Variants in NLGN1 observed in about 807,000 individuals in gnomAD.
The protein encoded by NLGN1 is neuroligin-1.
NLGN1 carries 12 observed loss-of-function variants against 65.5 expected under a neutral mutation model. The ratio of observed to expected loss-of-function variants is 0.18; its 90% CI spans 0.12 to 0.30. NLGN1 has a LOEUF of 0.30. Among genes scored for constraint, NLGN1 ranks in the 10% least tolerant of loss-of-function variants. The pLI, the probability that NLGN1 is intolerant of heterozygous loss-of-function variation, is 1.00. For missense variants in NLGN1, 750 were observed against 1,007.1 expected, an observed-to-expected ratio of 0.74 and a Z score of 3.46; for synonymous variants, 350 against 359.5, an observed-to-expected ratio of 0.97 and a Z score of 0.30.
chr3:173,901,873 T>A (rs1737446990), intron 4 of NLGN1, among the ~76,000 whole-genome samples: 1 of 152,120 alleles, frequency 6.6e-6, no homozygotes, highest in Non-Finnish European at 1.5e-5. Flanking sequence ...CAGAGCCATT[T>A]GTCTCACAAC....
At chr3:173,548,269 G>C (rs1740236584) in intron 2 of NLGN1, among the ~76,000 whole-genome samples, 1 of 151,880 alleles carries the variant, frequency 6.6e-6, no homozygotes, top group South Asian at 2.1e-4. Flanking sequence ...ATTAATTTCT[G>C]GTCAATATAT....
At chr3:174,142,780 A>G (rs1394238231) in intron 4 of NLGN1, among the ~76,000 whole-genome samples, 2 of 152,246 alleles carry the variant, frequency 1.3e-5, no homozygotes, top group Non-Finnish European at 2.9e-5. Context: ...TATTGGTACA[A>G]AGACATATGC....
At chr3:173,906,582 G>T (rs1473083564) in intron 4 of NLGN1, among the ~76,000 whole-genome samples, 1 of 151,922 alleles carries the variant, frequency 6.6e-6, no homozygotes, top group Non-Finnish European at 1.5e-5. Flanking sequence ...TATATTTTTC[G>T]CCTTTCCCAC....
At chr3:173,605,243 G>GT (rs1412117415) in intron 3 of NLGN1, 152 bp downstream of exon 2, 6 of 658,844 alleles carry the variant, frequency 9.1e-6, no homozygotes, top group Admixed American at 3.2e-5. Context: ...TGCTCTTTTT[G>GT]TTTATGTGTG....
exon 7 of NLGN1, chr3:174,281,012 A>G (rs1007784401): frequency 1.9e-5 from 30 of 1,613,262 alleles, no homozygotes; most frequent in Non-Finnish European, 2.5e-5. Flanking sequence ...ATGCACAAGA[A>G]GAGGAAATCA....
chr3:174,161,221 T>C (rs1028672576), intron 4 of NLGN1, among the ~76,000 whole-genome samples: 2 of 151,680 alleles, frequency 1.3e-5, no homozygotes, highest in African/African-American at 2.4e-5. Context: ...TTTAGCCTAA[T>C]GGATCATAGC....
intron 3 of NLGN1, among the ~76,000 whole-genome samples, chr3:173,748,875 T>C (rs1226803120): frequency 2.6e-5 from 4 of 152,082 alleles, no homozygotes; most frequent in African/African-American, 9.7e-5. Flanking sequence ...GTGAAACTGA[T>C]TGAAATAATA....
chr3:173,505,854 G>A (rs1233251761), intron 2 of NLGN1, among the ~76,000 whole-genome samples: 1 of 151,938 alleles, frequency 6.6e-6, no homozygotes, highest in African/African-American at 2.4e-5. Flanking sequence ...GGCTTTATGG[G>A]ATAAAGAACT....
At chr3:173,606,057 T>C (rs571382909) in intron 3 of NLGN1, among the ~76,000 whole-genome samples, 1 of 152,194 alleles carries the variant, frequency 6.6e-6, no homozygotes, top group African/African-American at 2.4e-5. Flanking sequence ...GACTTTCTCA[T>C]CCTAAGGATA....
upstream of NLGN1, chr3:173,397,806 G>A (rs1454438524): frequency 6.6e-6 from 1 of 152,144 alleles, no homozygotes; most frequent in Non-Finnish European, 1.5e-5. Context: ...GGCCAGCGCC[G>A]AGCGCGCGGA....
intron 1 of NLGN1, among the ~76,000 whole-genome samples, chr3:173,425,437 A>G (rs1434139030): frequency 1.3e-5 from 2 of 152,038 alleles, no homozygotes; most frequent in Non-Finnish European, 2.9e-5. Context: ...ATGTCCTAAA[A>G]TGTTTTCCCA....
intron 4 of NLGN1, among the ~76,000 whole-genome samples, chr3:173,934,510 G>A (rs1191385191): frequency 1.3e-5 from 2 of 151,762 alleles, no homozygotes; most frequent in Non-Finnish European, 2.9e-5. Context: ...AACTCAAATG[G>A]TGACTTTTTA....
chr3:173,560,133 C>T (rs1422351774), intron 2 of NLGN1, among the ~76,000 whole-genome samples: 12 of 151,824 alleles, frequency 7.9e-5, no homozygotes, highest in Admixed American at 6.6e-4. Context: ...TTAGTAGAGA[C>T]GGGGTTTCAC....
At chr3:174,197,050 A>T (rs1241640422) in intron 4 of NLGN1, among the ~76,000 whole-genome samples, 1 of 150,556 alleles carries the variant, frequency 6.6e-6, no homozygotes, top group Non-Finnish European at 1.5e-5. Context: ...TGTTGCTGGG[A>T]TGCATGGATG....
At chr3:173,527,869 T>C (rs1289332286) in intron 2 of NLGN1, among the ~76,000 whole-genome samples, 1 of 152,226 alleles carries the variant, frequency 6.6e-6, no homozygotes. Context: ...GGTCTTGTTT[T>C]TGTTGGTGTT....
At chr3:173,555,191 T>C (rs184120150) in intron 2 of NLGN1, among the ~76,000 whole-genome samples, 188 of 152,356 alleles carry the variant, frequency 1.2e-3, no homozygotes, top group African/African-American at 4.2e-3. Context: ...TTGTGAAATA[T>C]ATCTTAAAAT....
intron 1 of NLGN1, among the ~76,000 whole-genome samples, chr3:173,433,003 TAA>T (rs1313084702): frequency 1.3e-5 from 2 of 152,136 alleles, no homozygotes; most frequent in Non-Finnish European, 2.9e-5. Flanking sequence ...TTCTATCTAT[TAA>T]AAATAATGAG....
intron 4 of NLGN1, among the ~76,000 whole-genome samples, chr3:173,970,975 G>A (rs1256570796): frequency 6.6e-6 from 1 of 151,996 alleles, no homozygotes; most frequent in Non-Finnish European, 1.5e-5. Flanking sequence ...AACAGAAAGT[G>A]GAAATCCAAT....
intron 4 of NLGN1, among the ~76,000 whole-genome samples, chr3:174,162,985 A>G (rs984000015): frequency 6.6e-6 from 1 of 151,908 alleles, no homozygotes; most frequent in African/African-American, 2.4e-5. Flanking sequence ...ACTTAGACTC[A>G]CATCTTTAGC....
Sources: gnomAD v4.1 joint callset for allele counts (sites outside exome capture counted in the v4.1 genomes callset) on GRCh38, gnomAD v4.1.1 for gene constraint, MANE v1.5 for transcripts, NCBI Gene and HGNC (gene_info 2026-07-23, HGNC 2026-07-21) for gene names.